The following STARD13 variants were observed in gnomAD, a reference collection of about 807,000 sequenced individuals.
STARD13 encodes StAR related lipid transfer domain containing 13, also known as stAR-related lipid transfer protein 13.
Under a neutral mutation model 106.4 loss-of-function variants are expected in STARD13, and 62 were observed. That is an observed-to-expected ratio of 0.58 (90% CI 0.48 to 0.72). The LOEUF is 0.72. STARD13 is among the 30% of genes least tolerant of loss of function. The probability of loss-of-function intolerance (pLI) is 0.00; values close to 1 mark genes in which losing one functional copy is unlikely to be tolerated. For missense variants in STARD13, 1,387 were observed against 1,424.0 expected (o/e 0.97, Z 0.42); for synonymous variants, 565 against 553.0 (o/e 1.02, Z -0.31).
At position 33,129,435 on chromosome 13, in the gene STARD13, G is replaced by T; in HGVS notation, c.1242C>A (p.Ser414Arg). 6.2e-7 allele frequency: 1 copy of T among 1,614,162 alleles called. No individual in the cohort carries two copies. Among genetic ancestry groups the T allele is most frequent in the Non-Finnish European group, 8.5e-7 (1 of 1,180,046 alleles). The change falls in exon 5 of 14, where the codon AGC becomes AGA. Residue 414 changes from serine to arginine, a missense_variant. Coordinates refer to ENST00000336934, the MANE Select transcript of STARD13 (RefSeq NM_178006.4). ...CATTGCTACTATCTGTGGGAGAGAG[G>T]CTTTCAATAGAAAGTGCCTTGGGGA... The part of the protein sequence containing the change: ...GTFPKALSIE[S>R]LSPTDSSNGV...
the STARD13 span, among the ~76,000 whole-genome samples, chr13:33,476,788 T>TA: frequency 1.3e-5 from 2 of 152,366 alleles, no homozygotes; most frequent in Admixed American, 1.3e-4. Flanking sequence ...TTGAGCCTTT[T>TA]AACATCTTGA....
chr13:33,656,739 T>G, the STARD13 span: 16 of 152,312 alleles, frequency 1.1e-4, no homozygotes, highest in African/African-American at 3.9e-4. Context: ...TCCCAAGGGG[T>G]GAACTTCTAA....
intron 1 of STARD13, among the ~76,000 whole-genome samples, chr13:33,210,479 T>A (rs1451427495): frequency 2.0e-5 from 3 of 152,198 alleles, no homozygotes; most frequent in Admixed American, 6.5e-5. Flanking sequence ...GACTAGATAA[T>A]AATGGTACAC....
At chr13:33,337,475 A>C (rs1258011239) in intron 1 of STARD13, among the ~76,000 whole-genome samples, 1 of 152,238 alleles carries the variant, frequency 6.6e-6, no homozygotes, top group Non-Finnish European at 1.5e-5. Context: ...TATTTGCTTC[A>C]ATATATGTCA....
At chr13:33,214,954 A>T (rs1887944036) in intron 1 of STARD13, among the ~76,000 whole-genome samples, 1 of 152,194 alleles carries the variant, frequency 6.6e-6, no homozygotes, top group African/African-American at 2.4e-5. Flanking sequence ...CCAGGGAAAC[A>T]GAATCTTGTT....
In STARD13 at chr13:33,105,335, C is replaced by A. The variant is rs554815180; in HGVS notation, c.*258G>T. ...AATTAGGCAATGCACAAGGAATAGTCCATTTAATTTTAAGTAATATATATA... is the reference window on the plus strand; with the variant it reads ...AATTAGGCAATGCACAAGGAATAGTACATTTAATTTTAAGTAATATATATA... On this transcript the variant is annotated 3_prime_UTR_variant, in exon 14 of 14. Coordinates refer to ENST00000336934, the MANE Select transcript of STARD13 (RefSeq NM_178006.4). 4 of 427,082 alleles carry A rather than the reference C, an allele frequency of 9.4e-6. No individual in the cohort carries two copies. Among genetic ancestry groups the A allele is most frequent in the African/African-American group, 5.8e-5 (3 of 51,420 alleles). 26.5% of individuals were successfully genotyped at this position (427,082 alleles called of 1,614,324 possible). A position where few individuals can be genotyped will look rare whatever the true frequency, so the allele number is the denominator to read the frequency against.
chr13:33,259,639 G>A (rs1346738811), intron 1 of STARD13, among the ~76,000 whole-genome samples: 1 of 152,178 alleles, frequency 6.6e-6, no homozygotes, highest in East Asian at 1.9e-4. Context: ...TCTGTTTATG[G>A]TTCAGTTGGG....
chr13:33,323,285 G>A (rs570411770), intron 1 of STARD13, among the ~76,000 whole-genome samples: 2 of 152,036 alleles, frequency 1.3e-5, no homozygotes, highest in Non-Finnish European at 2.9e-5. Context: ...TGCCTTGTAC[G>A]CCCTTCCTAA....
At chr13:33,149,423 T>C (rs1240684415) in intron 3 of STARD13, among the ~76,000 whole-genome samples, 1 of 152,216 alleles carries the variant, frequency 6.6e-6, no homozygotes, top group African/African-American at 2.4e-5. Context: ...TTTAAAACAA[T>C]TTCATTTTTT....
At chr13:33,311,798 G>C (rs897944179) in intron 1 of STARD13, among the ~76,000 whole-genome samples, 1 of 152,212 alleles carries the variant, frequency 6.6e-6, no homozygotes, top group African/African-American at 2.4e-5. Flanking sequence ...GCAGCCGTGA[G>C]AGAAGATGAG....
the STARD13 span, among the ~76,000 whole-genome samples, chr13:33,380,559 A>T: frequency 1.4e-5 from 2 of 142,770 alleles, no homozygotes; most frequent in Non-Finnish European, 3.0e-5. Flanking sequence ...GACTGCATGC[A>T]AACGAGGGAA....
the STARD13 span, among the ~76,000 whole-genome samples, chr13:33,473,991 T>C: frequency 2.8e-4 from 42 of 152,258 alleles, no homozygotes; most frequent in African/African-American, 9.6e-4. Flanking sequence ...GTTGCAGCAG[T>C]TAGATTGCAT....
At chr13:33,430,772 AG>A in the STARD13 span, among the ~76,000 whole-genome samples, 27 of 152,238 alleles carry the variant, frequency 1.8e-4, no homozygotes, top group Admixed American at 1.8e-3. Context: ...GCAGTAACAT[AG>A]ATGGAACTGG....
At chr13:33,608,613 T>A in the STARD13 span, among the ~76,000 whole-genome samples, 1 of 152,194 alleles carries the variant, frequency 6.6e-6, no homozygotes, top group South Asian at 2.1e-4. Context: ...TCAGTGGTGA[T>A]AAGGTAGACT....
chr13:33,120,336 C>T (rs1044973488), intron 7 of STARD13, among the ~76,000 whole-genome samples: 1 of 152,210 alleles, frequency 6.6e-6, no homozygotes, highest in African/African-American at 2.4e-5. Context: ...CCCAGAGATG[C>T]TATCTTTGTA....
chr13:33,579,735 ACAACT>A, the STARD13 span, among the ~76,000 whole-genome samples: 4 of 151,680 alleles, frequency 2.6e-5, no homozygotes, highest in Admixed American at 6.6e-5. Context: ...CAGTAAGAAA[ACAACT>A]CAATTTAAAA....
intron 1 of STARD13, among the ~76,000 whole-genome samples, chr13:33,297,112 A>AT (rs759859281): frequency 2.6e-5 from 4 of 152,178 alleles, no homozygotes; most frequent in Non-Finnish European, 4.4e-5. Context: ...GACTCCTGAG[A>AT]TTTTTTAACC....
At chr13:33,323,920 G>T (rs1384645935) in intron 1 of STARD13, among the ~76,000 whole-genome samples, 2 of 152,132 alleles carry the variant, frequency 1.3e-5, no homozygotes, top group African/African-American at 4.8e-5. Flanking sequence ...AGGATCTTGC[G>T]CTCCTCTTGG....
rs181147676 is a variant in STARD13 at position 33,148,292 on chromosome 13, G to T, written c.324-5919C>A. Among the ~76,000 whole-genome samples, 562 of 152,238 alleles carry T rather than the reference G, an allele frequency of 3.7e-3. 1 individual carries two copies. The highest frequency in any genetic ancestry group is 9.1e-3 in the South Asian group (44 of 4,826). Reference sequence around the variant, plus strand: ...AACTTTCAAGAGAAAGAGAAGACAAGCTATATACAGAGAGAGCATATTTGC... The same window carrying T: ...AACTTTCAAGAGAAAGAGAAGACAATCTATATACAGAGAGAGCATATTTGC... On this transcript the variant is annotated intron_variant, in intron 3 of 13. Transcript: ENST00000336934.
Sources: allele counts gnomAD v4.1 joint callset (sites outside exome capture counted in the v4.1 genomes callset), GRCh38; gene constraint gnomAD v4.1.1; transcripts MANE v1.5; gene names NCBI Gene and HGNC (gene_info 2026-07-23, HGNC 2026-07-21).